Variants in SNX27 observed in about 807,000 individuals in gnomAD.
The protein encoded by SNX27 is sorting nexin 27, also known as sorting nexin-27.
A neutral mutation model predicts 71.6 loss-of-function variants in SNX27; 22 were observed. The observed-to-expected ratio is 0.31, with a 90% confidence interval of 0.22 to 0.44. SNX27 has a LOEUF of 0.44. Among genes scored for constraint, SNX27 ranks in the 20% least tolerant of loss-of-function variants. The pLI, the probability that SNX27 is intolerant of heterozygous loss-of-function variation, is 1.00. For synonymous variants in SNX27, 269 were observed against 277.2 expected (o/e 0.97, Z 0.29); for missense variants, 531 against 698.6 (o/e 0.76, Z 2.70).
intron 1 of SNX27, among the ~76,000 whole-genome samples, chr1:151,624,998 A>T (rs1486018603): frequency 6.6e-6 from 1 of 152,226 alleles, no homozygotes; most frequent in Non-Finnish European, 1.5e-5. Flanking sequence ...CTCAGGCAGC[A>T]TTCTTTGTAA....
Position 151,692,441 on chromosome 1 carries a change from A to G in SNX27, c.1246A>G (p.Asn416Asp), listed in dbSNP as rs1388451146. 6.9e-7 allele frequency: 1 copy of G among 1,449,898 alleles called. No homozygotes were observed. Among genetic ancestry groups the G allele is most frequent in the African/African-American group, 1.7e-5 (1 of 59,872 alleles). The allele number at this position is 1,449,898 out of a possible 1,614,324, so 89.8% of individuals were successfully genotyped here. The change falls in exon 9 of 12, where the codon AAC becomes GAC. Residue 416 changes from asparagine to aspartate, a missense_variant. Physicochemically the swap from Asn to Asp is conservative, Grantham distance 23. Coordinates refer to ENST00000458013, the MANE Select transcript of SNX27 (RefSeq NM_001330723.2). ...TTTTTTTTTTTTTTTTTAGTACCTC[A>G]ACATGCTAAGGACTTGTGAGGGCTA... ...YEQRKMVMYL[N>D]MLRTCEGYNE...
At chr1:151,629,106 T>C (rs907843747) in intron 1 of SNX27, among the ~76,000 whole-genome samples, 1 of 152,170 alleles carries the variant, frequency 6.6e-6, no homozygotes, top group Non-Finnish European at 1.5e-5. Context: ...TGTAGATTTG[T>C]ATTTTTGTAA....
chr1:151,621,069 A>C (rs1667653283), intron 1 of SNX27, among the ~76,000 whole-genome samples: 1 of 152,162 alleles, frequency 6.6e-6, no homozygotes, highest in Non-Finnish European at 1.5e-5. Context: ...ACGGGGGGGA[A>C]ACTTAATGTG....
At chr1:151,615,014 G>A (rs1667362774) in intron 1 of SNX27, among the ~76,000 whole-genome samples, 1 of 152,220 alleles carries the variant, frequency 6.6e-6, no homozygotes, top group African/African-American at 2.4e-5. Context: ...AAAGGTAGAA[G>A]GACTTGCCTT....
intron 1 of SNX27, among the ~76,000 whole-genome samples, chr1:151,628,128 T>C (rs1668033030): frequency 6.6e-6 from 1 of 151,346 alleles, no homozygotes; most frequent in African/African-American, 2.4e-5. Flanking sequence ...TGCCGCAGCC[T>C]CTTGAGTAGC....
At position 151,666,073 on chromosome 1, in the gene SNX27, C is replaced by T. The variant is rs1048031012; in HGVS notation, c.985+62C>T. On this transcript the variant is annotated intron_variant, in intron 6 of 11. Transcript: ENST00000458013. ...AATACTATGAGAAAGAAACATTTAC[C>T]TAGAGAAGAGCTTGAAGACAAGGGG... The T allele has an allele frequency of 3.0e-6, 4 of 1,344,302 alleles. No homozygotes were observed. The African/African-American group carries it at 4.3e-5, about 15-fold the overall frequency. The allele number at this position is 1,344,302 out of a possible 1,614,324, so 83.3% of individuals were successfully genotyped here.
At chr1:151,660,121 G>A (rs1214015914) in intron 3 of SNX27, 1 of 152,006 alleles carries the variant, frequency 6.6e-6, no homozygotes, top group African/African-American at 2.4e-5. Flanking sequence ...ACGAAGTAAA[G>A]TCACCAGTTT....
intron 11 of SNX27, chr1:151,693,968 A>C (rs1343881247): frequency 8.0e-7 from 1 of 1,252,058 alleles, no homozygotes. Context: ...ATTCTGAATA[A>C]TTAGTTACTT....
chr1:151,693,762 C>A, intron 11 of SNX27: 1 of 1,509,430 alleles, frequency 6.6e-7, no homozygotes, highest in Non-Finnish European at 8.8e-7. Flanking sequence ...GGACCCTCCT[C>A]TGCCAGTTTT....
chr1:151,659,768 C>T (rs1176662721), intron 3 of SNX27: 2 of 152,356 alleles, frequency 1.3e-5, no homozygotes, highest in Middle Eastern at 6.8e-3. Flanking sequence ...TGACACAGAT[C>T]TCCTCAATAA....
intron 1 of SNX27, among the ~76,000 whole-genome samples, chr1:151,616,114 T>A (rs979951340): frequency 6.6e-6 from 1 of 152,224 alleles, no homozygotes; most frequent in Admixed American, 6.5e-5. Flanking sequence ...GTGTAACATA[T>A]ACTGAGTGTT....
chr1:151,636,835 C>G (rs1439761958), intron 1 of SNX27, among the ~76,000 whole-genome samples: 1 of 152,044 alleles, frequency 6.6e-6, no homozygotes, highest in East Asian at 1.9e-4. Context: ...AATCTTTTGC[C>G]AGTTCCTTAC....
intron 7 of SNX27, among the ~76,000 whole-genome samples, chr1:151,675,520 C>T (rs902035007): frequency 5.9e-5 from 9 of 151,334 alleles, no homozygotes; most frequent in Non-Finnish European, 1.3e-4. Context: ...GTTGTTTAGT[C>T]ATTCCCTGTT....
chr1:151,623,823 GAAAA>G (rs940405079), intron 1 of SNX27, among the ~76,000 whole-genome samples: 3 of 149,300 alleles, frequency 2.0e-5, no homozygotes, highest in Non-Finnish European at 3.0e-5. Flanking sequence ...AGATAAAAAT[GAAAA>G]AAAAATCCTA....
chr1:151,622,506 G>T (rs551495964), intron 1 of SNX27, among the ~76,000 whole-genome samples: 1 of 152,210 alleles, frequency 6.6e-6, no homozygotes, highest in South Asian at 2.1e-4. Flanking sequence ...TGATTTACTT[G>T]ACTTGCAAAC....
chr1:151,692,833 G>A (rs905921475), intron 9 of SNX27, 78 bp from the exon 10 acceptor site: 9 of 1,583,724 alleles, frequency 5.7e-6, no homozygotes, highest in Non-Finnish European at 7.8e-6. Context: ...TCTGTCTCCT[G>A]GTTCAGAACC....
intron 1 of SNX27, among the ~76,000 whole-genome samples, chr1:151,622,711 TGAGTGGGGGATCCTCA>T (rs1333090749): frequency 9.8e-5 from 15 of 152,330 alleles, no homozygotes; most frequent in African/African-American, 3.6e-4. Context: ...GGTGAACAAC[TGAGTGGGGGATCCTCA>T]GAAATGTGTA....
At position 151,612,432 on chromosome 1, in the gene SNX27, G is replaced by A. The variant is rs760263726; in HGVS notation, c.231G>A (p.Pro77=). The part of the protein sequence containing the change: ...LRSINGELYA[P]LQHVSAVLPG... ...GCATCAACGGGGAGCTGTACGCGCC[G>A]CTGCAGCATGTGAGCGCCGTGCTGC... The change falls in exon 1 of 12, where the codon CCG becomes CCA. Residue 77 remains proline (P), a synonymous_variant. Transcript: ENST00000458013. The surrounding 1 kb of genome is among the most constrained non-coding windows in gnomAD (Gnocchi z 5.2). The A allele has an allele frequency of 5.8e-5, 85 of 1,470,226 alleles. No individual in the cohort carries two copies. Among genetic ancestry groups the A allele is most frequent in the Middle Eastern group, 1.8e-4 (1 of 5,586 alleles). 91.1% of individuals were successfully genotyped at this position (1,470,226 alleles called of 1,614,324 possible). A position where few individuals can be genotyped will look rare whatever the true frequency, so the allele number is the denominator to read the frequency against.
At chr1:151,635,419 C>G (rs1003900223) in intron 1 of SNX27, among the ~76,000 whole-genome samples, 1 of 152,202 alleles carries the variant, frequency 6.6e-6, no homozygotes, top group African/African-American at 2.4e-5. Flanking sequence ...TACTTTGAAC[C>G]TGAAGTCTGT....
Sources: gnomAD v4.1 joint callset for allele counts (sites outside exome capture counted in the v4.1 genomes callset) on GRCh38, gnomAD v4.1.1 for gene constraint, Gnocchi (gnomAD v3.1) non-coding constraint, MANE v1.5 for transcripts, NCBI Gene and HGNC (gene_info 2026-07-23, HGNC 2026-07-21) for gene names.